The following ADAP1 variants were observed in gnomAD, a reference collection of about 807,000 sequenced individuals.
The protein encoded by ADAP1 is ArfGAP with dual PH domains 1.
ADAP1 carries 31 observed loss-of-function variants against 54.9 expected under a neutral mutation model. That is an observed-to-expected ratio of 0.56 (90% CI 0.42 to 0.76). The LOEUF is 0.76. ADAP1 is among the 30% of genes least tolerant of loss of function. The probability of loss-of-function intolerance (pLI) is 0.00; values close to 1 mark genes in which losing one functional copy is unlikely to be tolerated. For missense variants in ADAP1, 535 were observed against 512.4 expected, an observed-to-expected ratio of 1.04 and a Z score of -0.42; for synonymous variants, 313 against 202.6, an observed-to-expected ratio of 1.55 and a Z score of -4.63.
At position 946,164 on chromosome 7, in the gene ADAP1, G is replaced by A. The variant is rs189425783; in HGVS notation, c.82+8232C>T. On this transcript the variant is annotated intron_variant, in intron 1 of 10. Coordinates refer to ENST00000265846, the MANE Select transcript of ADAP1 (RefSeq NM_006869.4). This position sits in a 1 kb window ranked among gnomAD's most constrained non-coding sequence, Gnocchi z 4.3. ...GGCACACAGCGCCCCACTCCACGCCGGGACCCAGGCCCCTCTCCAACTCCA... is the reference window on the plus strand; with the variant it reads ...GGCACACAGCGCCCCACTCCACGCCAGGACCCAGGCCCCTCTCCAACTCCA... 1.8e-3 allele frequency among the ~76,000 whole-genome samples: 277 copies of A among 152,254 alleles called. 1 individual carries two copies. Among genetic ancestry groups the A allele is most frequent in the Admixed American group, 2.6e-3 (40 of 15,300 alleles).
At position 920,555 on chromosome 7, in the gene ADAP1, C is replaced by T. The variant is rs1320852522; in HGVS notation, c.306-505G>A. Among the ~76,000 whole-genome samples, 3 of 152,146 alleles carry T rather than the reference C, an allele frequency of 2.0e-5. No individual in the cohort carries two copies. The highest frequency in any genetic ancestry group is 4.8e-5 in the African/African-American group (2 of 41,436). On this transcript the variant is annotated intron_variant, in intron 3 of 10. Transcript: ENST00000265846. The surrounding 1 kb of genome is among the most constrained non-coding windows in gnomAD (Gnocchi z 4.5). ...CCTCCACCCGCCGTGCCGCCCTCCACGTGGTTCTGAGACACAGGACGGAGC... is the reference window on the plus strand; with the variant it reads ...CCTCCACCCGCCGTGCCGCCCTCCATGTGGTTCTGAGACACAGGACGGAGC...
At chr7:944,255 C>G (rs1444699613) in intron 1 of ADAP1, among the ~76,000 whole-genome samples, 1 of 135,434 alleles carries the variant, frequency 7.4e-6, no homozygotes, top group Non-Finnish European at 1.6e-5. Flanking sequence ...TATTTTTAAC[C>G]TTTTTTTTTT....
At chr7:904,874 T>TG (rs1845020577) in intron 5 of ADAP1, among the ~76,000 whole-genome samples, 186 bp downstream of exon 5, 1 of 152,134 alleles carries the variant, frequency 6.6e-6, no homozygotes, top group Non-Finnish European at 1.5e-5. Context: ...TGCCCCACCC[T>TG]GGGGGACGCT....
intron 4 of ADAP1, among the ~76,000 whole-genome samples, chr7:913,167 G>C (rs115490362): frequency 0.014 from 2,083 of 149,868 alleles, 45 homozygotes; most frequent in African/African-American, 0.048. Context: ...ACTGGAATTC[G>C]TGTGCAAAGG....
intron 4 of ADAP1, among the ~76,000 whole-genome samples, chr7:917,428 A>G (rs937070818): frequency 6.6e-6 from 1 of 152,112 alleles, no homozygotes; most frequent in Non-Finnish European, 1.5e-5. Context: ...GAACCCACCT[A>G]CAACACCAGG....
At chr7:935,700 G>C (rs1241868546) in intron 1 of ADAP1, among the ~76,000 whole-genome samples, 195 bp from the exon 2 acceptor site, 1 of 151,000 alleles carries the variant, frequency 6.6e-6, no homozygotes, top group South Asian at 2.1e-4. Flanking sequence ...CGGTGCAGAC[G>C]GGGCTCTCCC....
chr7:925,562 G>C (rs1199623288), intron 3 of ADAP1, among the ~76,000 whole-genome samples: 1 of 152,068 alleles, frequency 6.6e-6, no homozygotes, highest in East Asian at 1.9e-4. Flanking sequence ...CTCACTGCAG[G>C]GGGCACAGAC....
chr7:902,729 G>A (rs1327993235), intron 6 of ADAP1, among the ~76,000 whole-genome samples: 4 of 151,978 alleles, frequency 2.6e-5, no homozygotes, highest in Admixed American at 1.3e-4. Flanking sequence ...CCAGTAACTG[G>A]ACTGGAAGGG....
rs56715852 is a variant in ADAP1, at chr7:940,330, TCACACACACACACA to T, written c.83-4839_83-4826del. Among the ~76,000 whole-genome samples the T allele has an allele frequency of 3.8e-3, 540 of 140,730 alleles. 3 individuals carry two copies. The highest frequency in any genetic ancestry group is 8.4e-3 in the East Asian group (40 of 4,760). 92.3% of individuals were successfully genotyped at this position (140,730 alleles called of 152,430 possible). A position where few individuals can be genotyped will look rare whatever the true frequency, so the allele number is the denominator to read the frequency against. Reference sequence around the variant, plus strand: ...TCCAGCCTGGGTGTCACAGACCCTGTCACACACACACACACACACACACACACACACACACACAC... The same window carrying T: ...TCCAGCCTGGGTGTCACAGACCCTGTCACACACACACACACACACACACAC... On this transcript the variant is annotated intron_variant, in intron 1 of 10. Transcript: ENST00000265846.
chr7:947,238 T>A (rs982901653), intron 1 of ADAP1, among the ~76,000 whole-genome samples: 5 of 114,968 alleles, frequency 4.3e-5, no homozygotes, highest in East Asian at 2.6e-4. Context: ...TTTTTTTTTT[T>A]AGAGATGGGG....
At chr7:950,988 T>C (rs1037989503) in intron 1 of ADAP1, among the ~76,000 whole-genome samples, 4 of 151,948 alleles carry the variant, frequency 2.6e-5, no homozygotes, top group Non-Finnish European at 5.9e-5. Flanking sequence ...GAGGAGGTTC[T>C]GGAGATGATG....
chr7:900,661 C>CGCTGGGGTCCCCACAGAGAG (rs1554270322), intron 6 of ADAP1, 45 bp from the exon 7 acceptor site: 1 of 1,431,684 alleles, frequency 7.0e-7, no homozygotes, highest in African/African-American at 1.5e-5. Context: ...GAGGCTGCAG[C>CGCTGGGGTCCCCACAGAGAG]GCTGGGGTCC....
At chr7:903,155 A>G (rs530088190) in intron 6 of ADAP1, among the ~76,000 whole-genome samples, 113 of 152,286 alleles carry the variant, frequency 7.4e-4, no homozygotes, top group African/African-American at 2.6e-3. Context: ...CTGCGGCAAC[A>G]CATGGTCAAC....
intron 4 of ADAP1, 119 bp from the exon 5 acceptor site, chr7:905,291 AC>A (rs1845069469): frequency 3.2e-6 from 1 of 311,324 alleles, no homozygotes; most frequent in African/African-American, 6.9e-5. Context: ...CGGACGGGGG[AC>A]ACGGACAGGG....
At chr7:921,197 CT>C (rs1280658745) in intron 3 of ADAP1, among the ~76,000 whole-genome samples, 2 of 152,246 alleles carry the variant, frequency 1.3e-5, no homozygotes, top group African/African-American at 2.4e-5. Context: ...CCTCCCACCC[CT>C]GGAAGCCGCC....
chr7:921,461 A>G (rs948485087), intron 3 of ADAP1, among the ~76,000 whole-genome samples: 2 of 152,180 alleles, frequency 1.3e-5, no homozygotes, highest in African/African-American at 4.8e-5. Context: ...GCTGGGCTAG[A>G]GGTGTGCACC....
At chr7:908,248 C>CA (rs1457011523) in intron 4 of ADAP1, among the ~76,000 whole-genome samples, 1 of 152,208 alleles carries the variant, frequency 6.6e-6, no homozygotes, top group Non-Finnish European at 1.5e-5. Flanking sequence ...CCCTGACCAC[C>CA]AAAGCCCCCT....
chr7:954,122 C>T (rs910672555), intron 1 of ADAP1, among the ~76,000 whole-genome samples: 20 of 152,106 alleles, frequency 1.3e-4, no homozygotes, highest in African/African-American at 4.8e-4. Flanking sequence ...AGACACGCAG[C>T]CCGGCGGGGG....
rs147460147 is a variant in ADAP1 at position 938,894 on chromosome 7, G to A, written c.83-3389C>T. On this transcript the variant is annotated intron_variant, in intron 1 of 10. Transcript: ENST00000265846. This position sits in a 1 kb window ranked among gnomAD's most constrained non-coding sequence, Gnocchi z 4.4. ...GAAATTCTGAGGGAGGCTGAGCAACGGCCACCAACAGCTCCCGCCCAGCCC... is the reference window on the plus strand; with the variant it reads ...GAAATTCTGAGGGAGGCTGAGCAACAGCCACCAACAGCTCCCGCCCAGCCC... 0.011 allele frequency among the ~76,000 whole-genome samples: 1,600 copies of A among 152,276 alleles called. 12 individuals carry two copies. Among genetic ancestry groups the A allele is most frequent in the Admixed American group, 0.019 (293 of 15,298 alleles).
Sources: allele counts gnomAD v4.1 joint callset (sites outside exome capture counted in the v4.1 genomes callset), GRCh38; gene constraint gnomAD v4.1.1; non-coding constraint Gnocchi (gnomAD v3.1); transcripts MANE v1.5; gene names NCBI Gene and HGNC (gene_info 2026-07-23, HGNC 2026-07-21).